Variants in PINK1 observed in about 807,000 individuals in gnomAD.
PINK1 encodes the protein serine/threonine-protein kinase PINK1, mitochondrial.
Under a neutral mutation model 56.0 loss-of-function variants are expected in PINK1, and 58 were observed. The ratio of observed to expected loss-of-function variants is 1.04; its 90% CI spans 0.84 to 1.29. The LOEUF is 1.29. PINK1 is among the 50% of genes most tolerant of loss of function. PINK1 has a pLI of 0.00. For synonymous variants in PINK1, 354 were observed against 339.3 expected (o/e 1.04, Z -0.48); for missense variants, 745 against 777.9 (o/e 0.96, Z 0.50).
chr1:20,639,743 C>A, intron 2 of PINK1, 149 bp from the exon 3 acceptor site: 1 of 724,756 alleles, frequency 1.4e-6, no homozygotes, highest in Non-Finnish European at 2.5e-6. Flanking sequence ...CTAGTCTCAG[C>A]CTGCCAGTTA....
At chr1:20,639,655 A>G in intron 2 of PINK1, 1 of 589,236 alleles carries the variant, frequency 1.7e-6, no homozygotes, top group Non-Finnish European at 3.1e-6. Context: ...CCTGGCATCT[A>G]GGCTGCAAGA....
chr1:20,635,741 C>A (rs1367296057), intron 1 of PINK1, among the ~76,000 whole-genome samples: 2 of 141,296 alleles, frequency 1.4e-5, no homozygotes, highest in East Asian at 4.4e-4. Flanking sequence ...CCCAGCTACT[C>A]GGGAGGCTGA....
chr1:20,642,191 C>T (rs998353164), intron 3 of PINK1, among the ~76,000 whole-genome samples: 16 of 152,192 alleles, frequency 1.1e-4, no homozygotes, highest in African/African-American at 3.9e-4. Flanking sequence ...GGCTCTGCCC[C>T]ATTCGCTTCC....
Position 20,644,521 on chromosome 1 carries a change from C to G in PINK1, c.808C>G (p.Pro270Ala). The change falls in exon 4 of 8, where the codon CCT becomes GCT. Residue 270 changes from proline to alanine, a missense_variant. Physicochemically the swap from Pro to Ala is conservative, Grantham distance 27 (BLOSUM62 -1). Coordinates refer to ENST00000321556, the MANE Select transcript of PINK1 (RefSeq NM_032409.3). ...KSKRGPKQLA[P>A]HPNIIRVLRA... The stretch of plus-strand genomic sequence containing the variant: ...CAAGAGAGGTCCCAAGCAACTAGCC[C>G]CTCACCCCAACATCATCCGGGTTCT... 1 of 1,614,212 alleles carries G rather than the reference C, an allele frequency of 6.2e-7. No homozygotes were observed. The highest frequency in any genetic ancestry group is 1.1e-5 in the South Asian group (1 of 91,084).
intron 1 of PINK1, among the ~76,000 whole-genome samples, chr1:20,635,458 G>A (rs2053047528): frequency 6.6e-6 from 1 of 151,920 alleles, no homozygotes; most frequent in Admixed American, 6.6e-5. Context: ...CTGAGATCAC[G>A]CCACTGCACT....
intron 1 of PINK1, among the ~76,000 whole-genome samples, chr1:20,634,695 C>G (rs2053038427): frequency 6.6e-6 from 1 of 152,194 alleles, no homozygotes; most frequent in South Asian, 2.1e-4. Flanking sequence ...GCTGGAGAGC[C>G]AGGGAGGAGC....
intron 7 of PINK1, chr1:20,650,033 T>C (rs942110587): frequency 6.2e-6 from 2 of 324,778 alleles, no homozygotes; most frequent in Non-Finnish European, 1.2e-5. Context: ...AGCACTGTTC[T>C]GCCACTCCGT....
chr1:20,649,584 G>C, intron 7 of PINK1: 1 of 286,432 alleles, frequency 3.5e-6, no homozygotes, highest in Non-Finnish European at 6.8e-6. Flanking sequence ...GGCCAACATG[G>C]TAAAACCCCG....
chr1:20,650,616 C>A lies in PINK1; in HGVS notation c.1671C>A (p.Leu557=). 6.2e-7 allele frequency: 1 copy of A among 1,614,228 alleles called. No individual in the cohort carries two copies. The highest frequency in any genetic ancestry group is 1.1e-5 in the South Asian group (1 of 91,078). ...GTGTGGAAACAAAAATGAAGATGCT[C>A]TTTCTGGCTAACCTGGAGTGTGAAA... ...KCCVETKMKM[L]FLANLECETL... is the part of the protein sequence containing the mutation. The change falls in exon 8 of 8, where the codon CTC becomes CTA. Residue 557 remains leucine (L), a synonymous_variant. Coordinates refer to ENST00000321556, the MANE Select transcript of PINK1 (RefSeq NM_032409.3).
At chr1:20,645,880 C>T (rs2053174396) in intron 5 of PINK1, among the ~76,000 whole-genome samples, 157 bp downstream of exon 5, 1 of 151,964 alleles carries the variant, frequency 6.6e-6, no homozygotes, top group South Asian at 2.1e-4. Context: ...TCCCTTAGAA[C>T]GGGGTTTTTT....
intron 3 of PINK1, among the ~76,000 whole-genome samples, chr1:20,640,738 A>T (rs1272421505): frequency 6.6e-6 from 1 of 152,050 alleles, no homozygotes; most frequent in Non-Finnish European, 1.5e-5. Context: ...GACAGAGGAG[A>T]TACTTGTGCC....
rs191502963 is a variant in PINK1, at chr1:20,646,416, C to T, written c.1123+693C>T. Reference sequence around the variant, plus strand: ...ATCCCAGCACTTTGAGAGGCTGAGGCGGGCAGATCATGAGGTCAAGAGATC... The same window carrying T: ...ATCCCAGCACTTTGAGAGGCTGAGGTGGGCAGATCATGAGGTCAAGAGATC... On this transcript the variant is annotated intron_variant, in intron 5 of 7. Coordinates refer to ENST00000321556, the MANE Select transcript of PINK1 (RefSeq NM_032409.3). 4.3e-3 allele frequency among the ~76,000 whole-genome samples: 657 copies of T among 152,166 alleles called. 4 individuals carry two copies. Among genetic ancestry groups the T allele is most frequent in the African/African-American group, 0.015 (624 of 41,526 alleles).
At chr1:20,645,451 T>C (rs2053166421) in intron 4 of PINK1, 109 bp from the exon 5 acceptor site, 1 of 1,267,294 alleles carries the variant, frequency 7.9e-7, no homozygotes. Flanking sequence ...ATCGTGCTAC[T>C]GCACTCCAGC....
rs150964528 is a variant in PINK1, at chr1:20,649,110, A to G, written c.1367A>G (p.Gln456Arg). ...GGGCTTGTCAATCCCTTCTACGGCC[A>G]GGGCAAGGCCCACCTTGAAAGCCGC... ...IFGLVNPFYG[Q>R]GKAHLESRSY... is the part of the protein sequence containing the mutation. Residue 456 changes from glutamine to arginine, a missense_variant, in exon 7 of 8, where the codon CAG (glutamine) becomes CGG (arginine). By Grantham distance (43) the Gln-to-Arg change is conservative. Transcript: ENST00000321556. 7.4e-5 allele frequency: 119 copies of G among 1,614,228 alleles called. No homozygotes were observed. The African/African-American group carries it at 1.5e-3, about 20-fold the overall frequency.
intron 5 of PINK1, among the ~76,000 whole-genome samples, chr1:20,646,574 G>T (rs2053183872): frequency 6.6e-6 from 1 of 152,092 alleles, no homozygotes; most frequent in Admixed American, 6.6e-5. Flanking sequence ...AACCCGGGAG[G>T]CGGAGGTTGT....
At chr1:20,649,813 A>ATT (rs1236379833) in intron 7 of PINK1, 1 of 162,096 alleles carries the variant, frequency 6.2e-6, no homozygotes, top group Non-Finnish European at 1.4e-5. Flanking sequence ...AAAAGGAGGC[A>ATT]TTTTTGAGAA....
intron 7 of PINK1, chr1:20,650,074 T>C: frequency 2.8e-6 from 1 of 360,538 alleles, no homozygotes. Context: ...CCTGCTATCT[T>C]GGTGCGCAGT....
intron 7 of PINK1, chr1:20,649,988 G>T: frequency 4.0e-6 from 1 of 252,764 alleles, no homozygotes; most frequent in Non-Finnish European, 7.8e-6. Context: ...TCAGGGGCAG[G>T]CTTAGTGCAA....
At chr1:20,642,063 T>G (rs978166595) in intron 3 of PINK1, among the ~76,000 whole-genome samples, 10 of 152,158 alleles carry the variant, frequency 6.6e-5, no homozygotes, top group African/African-American at 2.2e-4. Flanking sequence ...CAGGGGCCAC[T>G]CAGGTTGACT....
Sources: gnomAD v4.1 joint callset for allele counts (sites outside exome capture counted in the v4.1 genomes callset) on GRCh38, gnomAD v4.1.1 for gene constraint, MANE v1.5 for transcripts, NCBI Gene and HGNC (gene_info 2026-07-23, HGNC 2026-07-21) for gene names.